Variants in TTLL4 observed in about 807,000 individuals in gnomAD.
The protein encoded by TTLL4 is tubulin tyrosine ligase like 4, also known as tubulin monoglutamylase TTLL4.
In TTLL4, 85 loss-of-function variants were observed where a neutral mutation model predicts 122.7. That is an observed-to-expected ratio of 0.69 (90% CI 0.58 to 0.83). The LOEUF (loss-of-function observed/expected upper bound fraction) is 0.83. Ranked by LOEUF, TTLL4 falls within the 40% of genes least tolerant of loss-of-function variation. The probability of loss-of-function intolerance (pLI) is 0.00; values close to 1 mark genes in which losing one functional copy is unlikely to be tolerated. For synonymous variants in TTLL4, 553 were observed against 563.0 expected, an observed-to-expected ratio of 0.98 and a Z score of 0.25; for missense variants, 1,363 against 1,488.6, an observed-to-expected ratio of 0.92 and a Z score of 1.39.
At position 218,738,731 on chromosome 2, in the gene TTLL4, C is replaced by T. The variant is rs184304313; in HGVS notation, c.1055C>T (p.Pro352Leu). 53 of 1,614,186 alleles carry T rather than the reference C, an allele frequency of 3.3e-5. No homozygotes were observed. The Admixed American group carries it at 3.3e-4, about 10-fold the overall frequency. Residue 352 changes from proline to leucine, a missense_variant, in exon 3 of 20, where the codon CCG becomes CTG. By Grantham distance (98) the Pro-to-Leu change is moderately conservative. Transcript: ENST00000392102. ...KLTARGFEKM[P>L]RQGCQLEQSS... is the part of the protein sequence containing the mutation. ...ACCGCAAGAGGCTTTGAGAAGATGC[C>T]GAGGCAAGGCTGCCAGCTTGAACAG... is the stretch of plus-strand genomic sequence containing the variant.
At position 218,754,687 on chromosome 2, in the gene TTLL4, A is replaced by T. The variant is rs1943116065; in HGVS notation, c.*298A>T. 1 of 437,412 alleles carries T rather than the reference A, an allele frequency of 2.3e-6. No individual in the cohort carries two copies. The highest frequency in any genetic ancestry group is 4.0e-5 in the East Asian group (1 of 24,758). 27.1% of individuals were successfully genotyped at this position (437,412 alleles called of 1,614,324 possible). ...CCTTATAAAGCAGGTTTTGGTTTCT[A>T]CCTTAAGTGAGCCATGTGTGGTTTG... On this transcript the variant is annotated 3_prime_UTR_variant, in exon 20 of 20. Transcript: ENST00000392102.
intron 1 of TTLL4, among the ~76,000 whole-genome samples, chr2:218,719,893 T>TCA (rs1229430296): frequency 6.6e-6 from 1 of 152,236 alleles, no homozygotes; most frequent in East Asian, 1.9e-4. Flanking sequence ...GACACATGCT[T>TCA]CAGTCAGTGC....
At position 218,740,060 on chromosome 2, in the gene TTLL4, C is replaced by T; in HGVS notation, c.1490C>T (p.Ser497Leu). The change falls in exon 4 of 20, where the codon TCA (serine) becomes TTA (leucine). Residue 497 changes from serine to leucine, a missense_variant and splice_region_variant. Transcript: ENST00000392102. ...ELDSSDRDIS[S>L]ATDLQPDQAE... is the part of the protein sequence containing the mutation. ...GGGGGCATGATTCTTTCTTTTAGTT[C>T]AGCTACTGACCTCCAGCCAGATCAG... The T allele has an allele frequency of 1.2e-6, 2 of 1,613,770 alleles. No homozygotes were observed. The highest frequency in any genetic ancestry group is 1.7e-4 in the Middle Eastern group (1 of 6,054).
intron 2 of TTLL4, among the ~76,000 whole-genome samples, chr2:218,737,292 A>G (rs991660797): frequency 7.9e-5 from 12 of 152,280 alleles, no homozygotes; most frequent in African/African-American, 2.9e-4. Context: ...GAGAGAGGAA[A>G]GCTTTCTGAG....
In TTLL4 at chr2:218,752,943, GAAC is replaced by G; in HGVS notation, c.3159_3161del (p.Gln1054del). 1 of 1,614,120 alleles carries G rather than the reference GAAC, an allele frequency of 6.2e-7. No individual in the cohort carries two copies. The highest frequency in any genetic ancestry group is 8.5e-7 in the Non-Finnish European group (1 of 1,180,014). On this transcript the variant is annotated inframe_deletion, in exon 17 of 20. Transcript: ENST00000392102. ...TTTCAACATTCTCACCACCCAATGG[GAAC>G]AGAAATACCATGGCAACAAGCTTAA...
In TTLL4 at chr2:218,749,263, T is replaced by G. The variant is rs1942949532; in HGVS notation, c.2611T>G (p.Tyr871Asp). The stretch of plus-strand genomic sequence containing the variant: ...CATCCCCATGACCAGGTCAGAGCCC[T>G]ATGTGACCAGCCTGCTCAAGATGTA... ...VVKTIISSEP[Y>D]VTSLLKMYVR... is the part of the protein sequence containing the mutation. Residue 871 changes from tyrosine to aspartate, a missense_variant, in exon 14 of 20, where the codon TAT (tyrosine) becomes GAT (aspartate). Around this residue, in one of 3 missense-constraint regions of TTLL4, gnomAD observed 596 missense variants for 655.8 expected, o/e 0.91. Transcript: ENST00000392102. 2.5e-6 allele frequency: 4 copies of G among 1,614,128 alleles called. No individual in the cohort carries two copies. Among genetic ancestry groups the G allele is most frequent in the Non-Finnish European group, 3.4e-6 (4 of 1,180,014 alleles).
intron 1 of TTLL4, among the ~76,000 whole-genome samples, chr2:218,712,640 G>A (rs957612327): frequency 6.6e-6 from 1 of 152,032 alleles, no homozygotes; most frequent in Non-Finnish European, 1.5e-5. Context: ...ACCCGCCTCG[G>A]CCTCCCAAAA....
intron 11 of TTLL4, 51 bp from the exon 12 acceptor site, chr2:218,748,054 C>T: frequency 5.6e-6 from 9 of 1,611,728 alleles, no homozygotes; most frequent in Non-Finnish European, 7.6e-6. Context: ...GGCCCCTTCT[C>T]CATCTGCTCT....
Position 218,747,412 on chromosome 2 carries a change from C to T in TTLL4, c.2249+40C>T, listed in dbSNP as rs564470915. ...CATATCCCTTACCCCATCCTCCCAC[C>T]TCCTTGGCCTCGAGGTTCCCTTCTT... On this transcript the variant is annotated intron_variant, in intron 10 of 19. Coordinates refer to ENST00000392102, the MANE Select transcript of TTLL4 (RefSeq NM_014640.5). The surrounding 1 kb of genome is among the most constrained non-coding windows in gnomAD (Gnocchi z 4.7). The T allele has an allele frequency of 3.7e-6, 6 of 1,603,658 alleles. No individual in the cohort carries two copies. The highest frequency in any genetic ancestry group is 5.1e-6 in the Non-Finnish European group (6 of 1,174,150).
At position 218,747,535 on chromosome 2, in the gene TTLL4, C is replaced by A; in HGVS notation, c.2250-62C>A. On this transcript the variant is annotated intron_variant, in intron 10 of 19. Coordinates refer to ENST00000392102, the MANE Select transcript of TTLL4 (RefSeq NM_014640.5). The surrounding 1 kb of genome is among the most constrained non-coding windows in gnomAD (Gnocchi z 4.7). Reference sequence around the variant, plus strand: ...GACTGTTAGCTGGCTTTTCCTGTGGCTTGGTTACCCACTGAGCCCCATCAT... The same window carrying A: ...GACTGTTAGCTGGCTTTTCCTGTGGATTGGTTACCCACTGAGCCCCATCAT... 1 of 1,596,764 alleles carries A rather than the reference C, an allele frequency of 6.3e-7. No homozygotes were observed. The highest frequency in any genetic ancestry group is 8.5e-7 in the Non-Finnish European group (1 of 1,170,906).
chr2:218,755,358 G>C lies in TTLL4; in HGVS notation c.*969G>C, dbSNP rs1043645360. Reference sequence around the variant, plus strand: ...CAATCAAACCTCAGACTAAACTCTTGTACTGAACTGATTCTACCTCCCTCC... The same window carrying C: ...CAATCAAACCTCAGACTAAACTCTTCTACTGAACTGATTCTACCTCCCTCC... On this transcript the variant is annotated 3_prime_UTR_variant, in exon 20 of 20. Coordinates refer to ENST00000392102, the MANE Select transcript of TTLL4 (RefSeq NM_014640.5). 2 of 152,084 alleles carry C rather than the reference G, an allele frequency of 1.3e-5. No homozygotes were observed. The highest frequency in any genetic ancestry group is 4.8e-5 in the African/African-American group (2 of 41,390). 9.4% of individuals were successfully genotyped at this position (152,084 alleles called of 1,614,324 possible).
Position 218,747,055 on chromosome 2 carries a change from G to A in TTLL4, c.2027G>A (p.Arg676Gln), listed in dbSNP as rs369654368. The change falls in exon 9 of 20, where the codon CGG becomes CAG. Residue 676 changes from arginine to glutamine, a missense_variant. Physicochemically the swap from Arg to Gln is conservative, Grantham distance 43. Transcript: ENST00000392102. The surrounding 1 kb of genome is among the most constrained non-coding windows in gnomAD (Gnocchi z 4.7). ...ATTGGGAGGAAGGACCGGCTATGGC[G>A]GAACCTGTCACGTATGCAGAGCCGC... is the stretch of plus-strand genomic sequence containing the variant. ...FQIGRKDRLW[R>Q]NLSRMQSRFG... is the part of the protein sequence containing the mutation. 6.8e-6 allele frequency: 11 copies of A among 1,614,194 alleles called. No individual in the cohort carries two copies. Among genetic ancestry groups the A allele is most frequent in the Non-Finnish European group, 7.6e-6 (9 of 1,180,036 alleles).
At chr2:218,713,136 T>G (rs1941761576) in intron 1 of TTLL4, among the ~76,000 whole-genome samples, 2 of 152,146 alleles carry the variant, frequency 1.3e-5, no homozygotes, top group Non-Finnish European at 2.9e-5. Flanking sequence ...TCCAACACTT[T>G]GGGAGCCTGA....
At position 218,747,788 on chromosome 2, in the gene TTLL4, G is replaced by A. The variant is rs1431243207; in HGVS notation, c.2378+63G>A. ...GGGATTTTATTTTCCTTGGAGGGAG[G>A]GAAACTAGAAGACACCAAACAGAAA... On this transcript the variant is annotated intron_variant, in intron 11 of 19. Coordinates refer to ENST00000392102, the MANE Select transcript of TTLL4 (RefSeq NM_014640.5). The surrounding 1 kb of genome is among the most constrained non-coding windows in gnomAD (Gnocchi z 4.7). 6.2e-7 allele frequency: 1 copy of A among 1,600,198 alleles called. No individual in the cohort carries two copies. The highest frequency in any genetic ancestry group is 1.7e-5 in the Admixed American group (1 of 58,678).
chr2:218,733,072 C>T (rs1942423609), intron 2 of TTLL4, among the ~76,000 whole-genome samples: 2 of 152,142 alleles, frequency 1.3e-5, no homozygotes, highest in African/African-American at 4.8e-5. Context: ...CCTTGGATAT[C>T]TCTTACTAAC....
Position 218,738,031 on chromosome 2 carries a change from C to T in TTLL4, c.355C>T (p.Arg119Cys), listed in dbSNP as rs114586336. The T allele has an allele frequency of 6.5e-3, 10,497 of 1,614,126 alleles. 41 individuals are homozygous for T. Among genetic ancestry groups the T allele is most frequent in the Non-Finnish European group, 7.9e-3 (9,336 of 1,180,026 alleles). Residue 119 changes from arginine to cysteine, a missense_variant, in exon 3 of 20, where the codon CGC becomes TGC. Around this residue, in one of 3 missense-constraint regions of TTLL4, gnomAD observed 760 missense variants for 808.4 expected, o/e 0.94. Coordinates refer to ENST00000392102, the MANE Select transcript of TTLL4 (RefSeq NM_014640.5). ...CTTGTTCAACAGCACCCTGCTATAC[C>T]GCCGCTCCAGCTATAGGCAAAAACC... ...PDLFNSTLLY[R>C]RSSYRQKPYQ...
intron 2 of TTLL4, among the ~76,000 whole-genome samples, chr2:218,736,597 G>A (rs1315705280): frequency 6.6e-6 from 1 of 151,568 alleles, no homozygotes; most frequent in Non-Finnish European, 1.5e-5. Flanking sequence ...GTCACTTTAA[G>A]TAAAAATAAT....
At chr2:218,725,209 A>G (rs1942154647) in intron 1 of TTLL4, among the ~76,000 whole-genome samples, 1 of 152,110 alleles carries the variant, frequency 6.6e-6, no homozygotes, top group Non-Finnish European at 1.5e-5. Flanking sequence ...AGAACAAGTC[A>G]TTTTAAGAGA....
chr2:218,738,494 G>C lies in TTLL4; in HGVS notation c.818G>C (p.Ser273Thr). The C allele has an allele frequency of 6.2e-7, 1 of 1,614,178 alleles. No individual in the cohort carries two copies. Among genetic ancestry groups the C allele is most frequent in the Non-Finnish European group, 8.5e-7 (1 of 1,180,044 alleles). ...PQPVDHKVPK[S>T]IGTVPADASA... ...CCTGTTGACCATAAGGTGCCCAAAA[G>C]CATTGGCACTGTCCCAGCTGATGCC... Residue 273 changes from serine to threonine, a missense_variant, in exon 3 of 20, where the codon AGC (serine) becomes ACC (threonine). This residue lies in a region of TTLL4 where 760 missense variants were observed against 808.4 expected (regional missense o/e 0.94). Transcript: ENST00000392102.
Sources: allele counts gnomAD v4.1 joint callset (sites outside exome capture counted in the v4.1 genomes callset), GRCh38; gene constraint gnomAD v4.1.1; regional missense constraint gnomAD v4.1.1; non-coding constraint Gnocchi (gnomAD v3.1); transcripts MANE v1.5; gene names NCBI Gene and HGNC (gene_info 2026-07-23, HGNC 2026-07-21).